Variants in AK7 observed in about 807,000 individuals in gnomAD.
AK7 encodes the protein ATP-AMP transphosphorylase 7.
Under a neutral mutation model 96.6 loss-of-function variants are expected in AK7, and 78 were observed. That is an observed-to-expected ratio of 0.81 (90% CI 0.67 to 0.97). The LOEUF (loss-of-function observed/expected upper bound fraction) is 0.97, where lower values mean the gene tolerates loss of function less well. Ranked by LOEUF, AK7 falls within the 50% of genes least tolerant of loss-of-function variation. The pLI, the probability that AK7 is intolerant of heterozygous loss-of-function variation, is 0.00. For synonymous variants in AK7, 302 were observed against 317.2 expected (o/e 0.95, Z 0.51); for missense variants, 855 against 887.9 (o/e 0.96, Z 0.47).
chr14:96,422,044 G>T (rs1054993422), intron 5 of AK7, among the ~76,000 whole-genome samples: 1 of 152,158 alleles, frequency 6.6e-6, no homozygotes, highest in South Asian at 2.1e-4. Context: ...GGGGGTCACC[G>T]CCTTCTGGTC....
intron 10 of AK7, among the ~76,000 whole-genome samples, chr14:96,454,438 G>A (rs1893775189): frequency 6.6e-6 from 1 of 151,242 alleles, no homozygotes; most frequent in South Asian, 2.1e-4. Context: ...CAGGAGAAAT[G>A]GTGTTTTTTT....
chr14:96,419,642 A>T (rs1295302051), intron 4 of AK7, among the ~76,000 whole-genome samples: 1 of 152,102 alleles, frequency 6.6e-6, no homozygotes, highest in Non-Finnish European at 1.5e-5. Context: ...TCTACCAAAA[A>T]AAAATTATAT....
chr14:96,449,679 C>G (rs952162158), intron 8 of AK7, 123 bp from the exon 9 acceptor site: 2 of 648,448 alleles, frequency 3.1e-6, no homozygotes, highest in African/African-American at 3.7e-5. Context: ...GGTGATCCGC[C>G]CACCTTGGCC....
intron 4 of AK7, among the ~76,000 whole-genome samples, chr14:96,414,414 C>A (rs1258196660): frequency 1.3e-5 from 2 of 152,214 alleles, no homozygotes; most frequent in Non-Finnish European, 2.9e-5. Flanking sequence ...TAGTCTCTGG[C>A]ACAGAGGAAA....
At chr14:96,429,889 A>G (rs1332196517) in intron 5 of AK7, among the ~76,000 whole-genome samples, 1 of 152,190 alleles carries the variant, frequency 6.6e-6, no homozygotes, top group African/African-American at 2.4e-5. Flanking sequence ...TTCTAAATAT[A>G]TAATCATGTC....
At chr14:96,477,596 T>C (rs2140167530) in intron 14 of AK7, among the ~76,000 whole-genome samples, 1 of 152,332 alleles carries the variant, frequency 6.6e-6, no homozygotes, top group Non-Finnish European at 1.5e-5. Flanking sequence ...AACAATTATC[T>C]ATTGAATTTG....
chr14:96,450,085 G>A (rs1432783441), intron 9 of AK7, among the ~76,000 whole-genome samples: 2 of 152,018 alleles, frequency 1.3e-5, no homozygotes, highest in Non-Finnish European at 2.9e-5. Flanking sequence ...CTTGTCTTCA[G>A]TTGTCTTTCC....
chr14:96,400,018 T>G (rs1271784310), intron 2 of AK7, among the ~76,000 whole-genome samples: 1 of 143,338 alleles, frequency 7.0e-6, no homozygotes, highest in Non-Finnish European at 1.5e-5. Flanking sequence ...TAGACCCCGC[T>G]ACAAAAACAA....
chr14:96,458,125 G>A lies in AK7; in HGVS notation c.1270G>A (p.Glu424Lys), dbSNP rs769973237. 6.2e-7 allele frequency: 1 copy of A among 1,613,970 alleles called. No individual in the cohort carries two copies. The highest frequency in any genetic ancestry group is 8.5e-7 in the Non-Finnish European group (1 of 1,179,954). Reference protein sequence around the residue: ...APNDVGEGEEEVEEEEEEENV... With the variant: ...APNDVGEGEEKVEEEEEEENV... ...TAACGATGTAGGGGAAGGAGAAGAA[G>A]AAGTCGAAGAGGAAGAGGAGGAGGA... Residue 424 changes from glutamate (E) to lysine (K), a missense_variant, in exon 12 of 18, where the codon GAA becomes AAA. Transcript: ENST00000267584.
intron 12 of AK7, 123 bp from the exon 13 acceptor site, chr14:96,471,351 AAAAG>A: frequency 2.1e-6 from 1 of 485,496 alleles, no homozygotes; most frequent in South Asian, 5.5e-5. Flanking sequence ...AAAAAAAAAA[AAAAG>A]CAAAATAGGG....
intron 14 of AK7, among the ~76,000 whole-genome samples, chr14:96,473,773 C>T (rs374784405): frequency 2.0e-5 from 3 of 151,472 alleles, no homozygotes; most frequent in East Asian, 1.9e-4. Context: ...GGCTTGACTT[C>T]GTGAGTCATG....
chr14:96,477,816 C>G (rs1183849230), intron 14 of AK7, among the ~76,000 whole-genome samples: 2 of 152,128 alleles, frequency 1.3e-5, no homozygotes, highest in Admixed American at 1.3e-4. Context: ...ATTAATTTGG[C>G]AAACTGGCCA....
In AK7 at chr14:96,420,947, G is replaced by A; in HGVS notation, c.609+15G>A. 6.6e-7 allele frequency: 1 copy of A among 1,506,104 alleles called. No individual in the cohort carries two copies. The highest frequency in any genetic ancestry group is 9.2e-7 in the Non-Finnish European group (1 of 1,083,908). 93.3% of individuals were successfully genotyped at this position (1,506,104 alleles called of 1,614,324 possible). Reference sequence around the variant, plus strand: ...TTGGAAAAAAGGTAAGTCTGGCATAGTGGAACATGGACATCATCTGAAGTC... The same window carrying A: ...TTGGAAAAAAGGTAAGTCTGGCATAATGGAACATGGACATCATCTGAAGTC... On this transcript the variant is annotated intron_variant, in intron 5 of 17. Transcript: ENST00000267584.
intron 2 of AK7, 140 bp downstream of exon 2, chr14:96,398,403 C>G (rs1401280794): frequency 1.2e-6 from 1 of 847,802 alleles, no homozygotes; most frequent in African/African-American, 1.7e-5. Flanking sequence ...ATGGCTTTCT[C>G]CTGTAATGGA....
intron 14 of AK7, among the ~76,000 whole-genome samples, chr14:96,474,116 T>C (rs1373947010): frequency 1.3e-5 from 2 of 152,188 alleles, no homozygotes; most frequent in African/African-American, 4.8e-5. Flanking sequence ...ATATGATCGC[T>C]AGAAGAAAAG....
At chr14:96,404,352 C>T (rs1890587508) in intron 2 of AK7, among the ~76,000 whole-genome samples, 1 of 152,156 alleles carries the variant, frequency 6.6e-6, no homozygotes, top group Non-Finnish European at 1.5e-5. Flanking sequence ...TGACAATCCA[C>T]ATTCATCATT....
intron 5 of AK7, among the ~76,000 whole-genome samples, chr14:96,422,795 A>T (rs887985277): frequency 9.9e-5 from 15 of 152,230 alleles, no homozygotes; most frequent in Non-Finnish European, 1.8e-4. Context: ...GCCCTATAGC[A>T]GCAAAATTCA....
intron 4 of AK7, among the ~76,000 whole-genome samples, chr14:96,411,726 C>T (rs1391078239): frequency 6.6e-6 from 1 of 152,144 alleles, no homozygotes; most frequent in Non-Finnish European, 1.5e-5. Flanking sequence ...ACCGATTACG[C>T]AAAACAAACA....
intron 2 of AK7, among the ~76,000 whole-genome samples, chr14:96,400,016 G>A (rs757945697): frequency 1.0e-4 from 14 of 139,428 alleles, no homozygotes; most frequent in Non-Finnish European, 1.7e-4. Context: ...ATTAGACCCC[G>A]CTACAAAAAC....
Sources: allele counts gnomAD v4.1 joint callset (sites outside exome capture counted in the v4.1 genomes callset), GRCh38; gene constraint gnomAD v4.1.1; transcripts MANE v1.5; gene names NCBI Gene and HGNC (gene_info 2026-07-23, HGNC 2026-07-21).